BAHCC1: variants seen among roughly 807,000 people sequenced by gnomAD.
BAHCC1 encodes the protein BAH domain and coiled-coil containing 1.
A neutral mutation model predicts 88.2 loss-of-function variants in BAHCC1; 43 were observed. The observed-to-expected ratio is 0.49, with a 90% CI of 0.38 to 0.63. The LOEUF (loss-of-function observed/expected upper bound fraction) is 0.63. Ranked by LOEUF, BAHCC1 falls within the 20% of genes least tolerant of loss-of-function variation. The pLI is 0.00. For missense variants in BAHCC1, 3,023 were observed against 1,654.8 expected, an observed-to-expected ratio of 1.83 and a Z score of -14.34; for synonymous variants, 1,510 against 745.5, an observed-to-expected ratio of 2.03 and a Z score of -16.71.
intron 3 of BAHCC1, 23 bp from the exon 4 acceptor site, chr17:81,438,347 A>G: frequency 1.3e-6 from 1 of 777,952 alleles, no homozygotes; most frequent in Non-Finnish European, 2.4e-6. Context: ...TTGCCTCTGC[A>G]ACTGGGTCTC....
Position 81,443,321 on chromosome 17 carries a change from C to A in BAHCC1, c.1972C>A (p.Leu658Ile). The A allele has an allele frequency of 1.3e-6, 1 of 779,276 alleles. No individual in the cohort carries two copies. The highest frequency in any genetic ancestry group is 1.7e-5 in the Admixed American group (1 of 59,008). The allele number at this position is 779,276 out of a possible 1,614,324, so 48.3% of individuals were successfully genotyped here. ...AGCACCCTTGGTGGGCCTGGGTGGC[C>A]TCAAGGCCAGCTGCATCCAGCAGGA... ...QKAPLVGLGGLKASCIQQEAK... is the reference protein window; with the variant it reads ...QKAPLVGLGGIKASCIQQEAK... Residue 658 changes from leucine (L) to isoleucine (I), a missense_variant, in exon 5 of 28, where the codon CTC becomes ATC. By Grantham distance (5) the Leu-to-Ile change is conservative. Transcript: ENST00000675386.
intron 3 of BAHCC1, among the ~76,000 whole-genome samples, chr17:81,429,466 A>T (rs2064236126): frequency 1.3e-5 from 2 of 152,212 alleles, no homozygotes; most frequent in Non-Finnish European, 2.9e-5. Context: ...TGAGCGGCAG[A>T]GGCCAGGGCC....
Position 81,442,409 on chromosome 17 carries a change from C to T in BAHCC1, c.1060C>T (p.Pro354Ser). The change falls in exon 5 of 28, where the codon CCC (proline) becomes TCC (serine). Residue 354 changes from proline (P) to serine (S), a missense_variant. By Grantham distance (74) the Pro-to-Ser change is moderately conservative. Coordinates refer to ENST00000675386, the MANE Select transcript of BAHCC1 (RefSeq NM_001377448.1). ...LHHTASYAGPPPPLSTAAGSF... is the reference protein window; with the variant it reads ...LHHTASYAGPSPPLSTAAGSF... Reference sequence around the variant, plus strand: ...CCACACCGCATCCTACGCCGGGCCACCCCCGCCCCTCAGCACAGCCGCCGG... The same window carrying T: ...CCACACCGCATCCTACGCCGGGCCATCCCCGCCCCTCAGCACAGCCGCCGG... 1 of 695,696 alleles carries T rather than the reference C, an allele frequency of 1.4e-6. No individual in the cohort carries two copies. The highest frequency in any genetic ancestry group is 2.7e-6 in the Non-Finnish European group (1 of 376,358). The allele number at this position is 695,696 out of a possible 1,614,324, so 43.1% of individuals were successfully genotyped here. A position where few individuals can be genotyped will look rare whatever the true frequency, so the allele number is the denominator to read the frequency against.
chr17:81,448,319 G>C (rs1555655109), intron 11 of BAHCC1, among the ~76,000 whole-genome samples: 1 of 152,162 alleles, frequency 6.6e-6, no homozygotes, highest in Admixed American at 6.5e-5. Context: ...TGGGGCTCCT[G>C]CTGCAGGGAG....
Position 81,399,994 on chromosome 17 carries a change from G to T in BAHCC1, c.178+77G>T. 1.7e-6 allele frequency: 2 copies of T among 1,176,820 alleles called. No individual in the cohort carries two copies. The highest frequency in any genetic ancestry group is 1.1e-6 in the Non-Finnish European group (1 of 927,360). 72.9% of individuals were successfully genotyped at this position (1,176,820 alleles called of 1,614,324 possible). ...AGGGCGCCCACCCCTCCGCTCCCGG[G>T]AGCAGAGAAGCTTTGGTTTCATTTC... is the stretch of plus-strand genomic sequence containing the variant. On this transcript the variant is annotated intron_variant, in intron 2 of 27. Coordinates refer to ENST00000675386, the MANE Select transcript of BAHCC1 (RefSeq NM_001377448.1). This position sits in a 1 kb window ranked among gnomAD's most constrained non-coding sequence, Gnocchi z 4.5.
chr17:81,407,392 T>A (rs1555647092), intron 2 of BAHCC1: 1 of 520,060 alleles, frequency 1.9e-6, no homozygotes. Flanking sequence ...TCAGTGCGAC[T>A]CCCTCTCTCT....
chr17:81,439,263 G>T (rs1022540496), intron 4 of BAHCC1, among the ~76,000 whole-genome samples: 1 of 152,208 alleles, frequency 6.6e-6, no homozygotes, highest in African/African-American at 2.4e-5. Flanking sequence ...TTCTCCTTGG[G>T]GTGACACCAG....
At chr17:81,457,682 G>A in intron 17 of BAHCC1, 90 bp downstream of exon 17, 1 of 621,294 alleles carries the variant, frequency 1.6e-6, no homozygotes, top group Non-Finnish European at 2.9e-6. Context: ...GGGGTTGCTG[G>A]GTAACCAGGA....
At chr17:81,462,106 T>C (rs782481709) in intron 26 of BAHCC1, 60 bp downstream of exon 26, 35 of 675,602 alleles carry the variant, frequency 5.2e-5, no homozygotes, top group Admixed American at 1.4e-4. Flanking sequence ...GGCGGGCTCA[T>C]GCGCCCCTGC....
intron 2 of BAHCC1, chr17:81,421,848 A>G (rs971306667): frequency 3.9e-6 from 1 of 255,332 alleles, no homozygotes. Context: ...AGGGTCTCTC[A>G]TGGTAGGCTC....
At chr17:81,444,055 C>A in intron 6 of BAHCC1, 138 bp downstream of exon 6, 2 of 632,406 alleles carry the variant, frequency 3.2e-6, no homozygotes, top group Non-Finnish European at 2.9e-6. Flanking sequence ...GGGGTTCTCC[C>A]CACCCCTAGA....
At chr17:81,447,873 C>G in intron 11 of BAHCC1, 25 bp downstream of exon 11, 1 of 716,214 alleles carries the variant, frequency 1.4e-6, no homozygotes, top group Non-Finnish European at 2.6e-6. Flanking sequence ...TGCCGCCACC[C>G]CCCAGAGTCC....
rs1555647880 is a variant in BAHCC1, at chr17:81,411,562, TCC to T, written c.178+11646_178+11647del. On this transcript the variant is annotated intron_variant, in intron 2 of 27. Coordinates refer to ENST00000675386, the MANE Select transcript of BAHCC1 (RefSeq NM_001377448.1). This position sits in a 1 kb window ranked among gnomAD's most constrained non-coding sequence, Gnocchi z 6.2. ...TTCCTTCCTTCCTTCCTTCCTTCCT[TCC>T]TTCCTTCCTTGAGAGGCCTCTCTAC... is the stretch of plus-strand genomic sequence containing the variant. 2.4e-5 allele frequency: 10 copies of T among 411,058 alleles called. No individual in the cohort carries two copies. The East Asian group carries it at 6.7e-4, about 27-fold the overall frequency. 25.5% of individuals were successfully genotyped at this position (411,058 alleles called of 1,614,324 possible). A position where few individuals can be genotyped will look rare whatever the true frequency, so the allele number is the denominator to read the frequency against.
chr17:81,410,640 G>T (rs1555647698), intron 2 of BAHCC1, among the ~76,000 whole-genome samples: 2 of 152,196 alleles, frequency 1.3e-5, no homozygotes, highest in African/African-American at 2.4e-5. Flanking sequence ...GGGCAGTGCA[G>T]ACGCTCTGGA....
intron 2 of BAHCC1, among the ~76,000 whole-genome samples, chr17:81,414,383 C>T (rs1555648295): frequency 6.6e-6 from 1 of 152,200 alleles, no homozygotes; most frequent in Non-Finnish European, 1.5e-5. Flanking sequence ...CATCACGGCC[C>T]GGACCCCACA....
chr17:81,437,565 GT>G lies in BAHCC1; in HGVS notation c.359-804del, dbSNP rs2064353290. On this transcript the variant is annotated intron_variant, in intron 3 of 27. Transcript: ENST00000675386. Reference sequence around the variant, plus strand: ...CTTCATCCCTTGGGTGGGGGCAAGTGTGCCCCACACAGCCAGAGCTGTCCCA... The same window carrying G: ...CTTCATCCCTTGGGTGGGGGCAAGTGGCCCCACACAGCCAGAGCTGTCCCA... 9.2e-5 allele frequency among the ~76,000 whole-genome samples: 14 copies of G among 152,362 alleles called. No individual in the cohort carries two copies. In the South Asian group the frequency reaches 2.9e-3, roughly 32 times the overall value.
chr17:81,462,995 TG>T lies in BAHCC1; in HGVS notation c.7620+23del, dbSNP rs1350484882. 8 of 776,294 alleles carry T rather than the reference TG, an allele frequency of 1.0e-5. No individual in the cohort carries two copies. The East Asian group carries it at 1.9e-4, about 19-fold the overall frequency. 48.1% of individuals were successfully genotyped at this position (776,294 alleles called of 1,614,324 possible). On this transcript the variant is annotated intron_variant, in intron 27 of 27. Coordinates refer to ENST00000675386, the MANE Select transcript of BAHCC1 (RefSeq NM_001377448.1). ...CGGCAAGGTGAGGCCCGGACAGGTG[TG>T]GGGCCCAGCCCCCCTCGGGGCCCCA...
At chr17:81,408,413 C>T (rs2063907593) in intron 2 of BAHCC1, among the ~76,000 whole-genome samples, 1 of 151,782 alleles carries the variant, frequency 6.6e-6, no homozygotes, top group South Asian at 2.1e-4. Context: ...AGGCTCCCAC[C>T]CTGCACCCCC....
chr17:81,446,046 C>A (rs2064520659), intron 10 of BAHCC1, among the ~76,000 whole-genome samples: 1 of 152,058 alleles, frequency 6.6e-6, no homozygotes, highest in African/African-American at 2.4e-5. Context: ...TTCAGGGTCT[C>A]AGCAAAGCTG....
Sources: gnomAD v4.1 joint callset for allele counts (sites outside exome capture counted in the v4.1 genomes callset) on GRCh38, gnomAD v4.1.1 for gene constraint, Gnocchi (gnomAD v3.1) non-coding constraint, MANE v1.5 for transcripts, NCBI Gene and HGNC (gene_info 2026-07-23, HGNC 2026-07-21) for gene names.